The following CLIP4 variants were observed in gnomAD, a reference collection of about 807,000 sequenced individuals.
The protein encoded by CLIP4 is CAP-Gly domain containing linker protein family member 4, also known as CAP-Gly domain-containing linker protein 4.
Under a neutral mutation model 73.1 loss-of-function variants are expected in CLIP4, and 47 were observed. The observed-to-expected ratio is 0.64, with a 90% CI of 0.51 to 0.82. The LOEUF (loss-of-function observed/expected upper bound fraction) is 0.82. Among genes scored for constraint, CLIP4 ranks in the 40% least tolerant of loss-of-function variants. CLIP4 has a pLI of 0.00. For synonymous variants in CLIP4, 306 were observed against 295.4 expected (o/e 1.04, Z -0.37); for missense variants, 874 against 852.9 (o/e 1.02, Z -0.31).
Position 29,121,454 on chromosome 2 carries a change from T to C in CLIP4, c.66T>C (p.Phe22=). 1.2e-6 allele frequency: 2 copies of C among 1,613,902 alleles called. No homozygotes were observed. Among genetic ancestry groups the C allele is most frequent in the South Asian group, 2.2e-5 (2 of 91,060 alleles). ...EGNPLFGRYP[F]IFSASDTPVI... ...ATCCTTTGTTTGGAAGATACCCATT[T>C]ATATTTTCTGCTTCTGATACCCCAG... Residue 22 remains phenylalanine, a synonymous_variant, in exon 2 of 16, where the codon TTT becomes TTC. Transcript: ENST00000320081.
At chr2:29,167,897 T>C (rs1667732372) in intron 14 of CLIP4, 1 of 166,760 alleles carries the variant, frequency 6.0e-6, no homozygotes, top group South Asian at 2.0e-4. Flanking sequence ...GTTTGCTATT[T>C]TGTTATTTAG....
At chr2:29,133,427 AATTAT>A (rs1481988480) in intron 4 of CLIP4, among the ~76,000 whole-genome samples, 3 of 152,210 alleles carry the variant, frequency 2.0e-5, no homozygotes, top group East Asian at 1.9e-4. Flanking sequence ...GATTTTTTAG[AATTAT>A]ATTAACAATA....
chr2:29,131,849 A>C (rs574055685), intron 3 of CLIP4: 64 of 338,632 alleles, frequency 1.9e-4, no homozygotes, highest in South Asian at 1.6e-3. Context: ...TACTTTTTTC[A>C]AATATCATTA....
intron 4 of CLIP4, among the ~76,000 whole-genome samples, chr2:29,133,010 A>C (rs897180031): frequency 6.6e-6 from 1 of 152,166 alleles, no homozygotes; most frequent in Admixed American, 6.5e-5. Flanking sequence ...CAACACAGTG[A>C]GACCTTGTCT....
At position 29,121,460 on chromosome 2, in the gene CLIP4, T is replaced by G. The variant is rs1664242372; in HGVS notation, c.72T>G (p.Phe24Leu). 6.2e-7 allele frequency: 1 copy of G among 1,613,900 alleles called. No homozygotes were observed. Among genetic ancestry groups the G allele is most frequent in the Middle Eastern group, 1.7e-4 (1 of 6,058 alleles). ...NPLFGRYPFI[F>L]SASDTPVIFS... ...TGTTTGGAAGATACCCATTTATATT[T>G]TCTGCTTCTGATACCCCAGTTATCT... The change falls in exon 2 of 16, where the codon TTT becomes TTG. Residue 24 changes from phenylalanine (F) to leucine (L), a missense_variant. Physicochemically the swap from Phe to Leu is conservative, Grantham distance 22. Coordinates refer to ENST00000320081, the MANE Select transcript of CLIP4 (RefSeq NM_024692.6).
intron 1 of CLIP4, among the ~76,000 whole-genome samples, chr2:29,110,322 G>C (rs1668353476): frequency 6.6e-6 from 1 of 152,196 alleles, no homozygotes; most frequent in African/African-American, 2.4e-5. Flanking sequence ...GCAAGCCCAG[G>C]TAGAAGCAGT....
chr2:29,130,541 T>C (rs7425192), intron 2 of CLIP4: 17,786 of 797,682 alleles, frequency 0.022, 242 homozygotes, highest in Non-Finnish European at 0.025. Flanking sequence ...AATAGGTCCT[T>C]ACAGGTTTTC....
At chr2:29,117,007 C>A (rs1260450895) in intron 1 of CLIP4, among the ~76,000 whole-genome samples, 1 of 152,214 alleles carries the variant, frequency 6.6e-6, no homozygotes, top group Non-Finnish European at 1.5e-5. Context: ...GTTCAAACCT[C>A]AAACTCTGGT....
chr2:29,155,258 C>T (rs1432100332), intron 9 of CLIP4, among the ~76,000 whole-genome samples: 1 of 152,192 alleles, frequency 6.6e-6, no homozygotes, highest in South Asian at 2.1e-4. Flanking sequence ...GATTGTGCCA[C>T]TGCACTACAG....
Position 29,132,061 on chromosome 2 carries a change from C to T in CLIP4, c.274-91C>T, listed in dbSNP as rs151063938. ...ATTTTACTGAGAAGTAATTCAGATACGATAGACTAACTTGGTTCCTCAGCA... is the reference window on the plus strand; with the variant it reads ...ATTTTACTGAGAAGTAATTCAGATATGATAGACTAACTTGGTTCCTCAGCA... On this transcript the variant is annotated intron_variant, in intron 3 of 15. Transcript: ENST00000320081. The T allele has an allele frequency of 2.4e-3, 2,039 of 860,622 alleles. 3 individuals are homozygous for T. The highest frequency in any genetic ancestry group is 3.5e-3 in the Non-Finnish European group (1,786 of 516,116). The allele number at this position is 860,622 out of a possible 1,614,324, so 53.3% of individuals were successfully genotyped here.
At chr2:29,142,775 A>G (rs1665863920) in intron 6 of CLIP4, among the ~76,000 whole-genome samples, 1 of 152,250 alleles carries the variant, frequency 6.6e-6, no homozygotes. Flanking sequence ...CAGTTAACAA[A>G]AGTATCTTTA....
chr2:29,103,197 T>C (rs1395813223), intron 1 of CLIP4, among the ~76,000 whole-genome samples: 1 of 152,200 alleles, frequency 6.6e-6, no homozygotes, highest in Non-Finnish European at 1.5e-5. Context: ...GTTGGTTAAA[T>C]TCTAATTTCA....
chr2:29,113,194 C>G (rs1372434049), upstream of CLIP4, among the ~76,000 whole-genome samples: 2 of 152,192 alleles, frequency 1.3e-5, no homozygotes, highest in Non-Finnish European at 2.9e-5. This position sits in a 1 kb window ranked among gnomAD's most constrained non-coding sequence, Gnocchi z 4.0. Context: ...AGGTCAAGTG[C>G]CTTACAGTGG....
chr2:29,117,466 C>T (rs1272260299), intron 1 of CLIP4, among the ~76,000 whole-genome samples: 1 of 152,020 alleles, frequency 6.6e-6, no homozygotes, highest in African/African-American at 2.4e-5. Context: ...GCCTGAGCCT[C>T]TCGAGCAGCT....
chr2:29,147,509 A>C (rs1018430014), intron 8 of CLIP4, among the ~76,000 whole-genome samples: 1 of 152,038 alleles, frequency 6.6e-6, no homozygotes, highest in African/African-American at 2.4e-5. Flanking sequence ...TCCTAATCTA[A>C]GGATTATACA....
intron 14 of CLIP4, chr2:29,167,989 G>A (rs1259146045): frequency 6.6e-6 from 1 of 152,206 alleles, no homozygotes; most frequent in Non-Finnish European, 1.5e-5. Flanking sequence ...CTATGTTCTT[G>A]TGCACACTTG....
upstream of CLIP4, among the ~76,000 whole-genome samples, chr2:29,113,677 C>G (rs1297614247): frequency 6.6e-6 from 1 of 152,190 alleles, no homozygotes; most frequent in African/African-American, 2.4e-5. The surrounding 1 kb of genome is among the most constrained non-coding windows in gnomAD (Gnocchi z 4.0). Flanking sequence ...TTTATTATAA[C>G]TAAGAACAAC....
At chr2:29,133,929 T>G (rs1481675755) in intron 5 of CLIP4, 113 bp downstream of exon 5, 1 of 822,874 alleles carries the variant, frequency 1.2e-6, no homozygotes, top group Non-Finnish European at 1.8e-6. Context: ...TTCATATGCC[T>G]TTCTACTCCA....
intron 6 of CLIP4, among the ~76,000 whole-genome samples, chr2:29,136,575 A>C (rs747160125): frequency 1.3e-5 from 2 of 148,552 alleles, no homozygotes; most frequent in Non-Finnish European, 3.0e-5. Flanking sequence ...GTTTTACTGT[A>C]GTGTGCTAAT....
Sources: allele counts gnomAD v4.1 joint callset (sites outside exome capture counted in the v4.1 genomes callset), GRCh38; gene constraint gnomAD v4.1.1; non-coding constraint Gnocchi (gnomAD v3.1); transcripts MANE v1.5; gene names NCBI Gene and HGNC (gene_info 2026-07-23, HGNC 2026-07-21).